ZNF131: variants seen among roughly 807,000 people sequenced by gnomAD.
ZNF131 encodes zinc finger and BTB domain containing 35, also known as zinc finger protein 131.
A neutral mutation model predicts 60.0 loss-of-function variants in ZNF131; 7 were observed. The observed-to-expected ratio is 0.12, with a 90% confidence interval of 0.07 to 0.22. The LOEUF is 0.22. ZNF131 is among the 10% of genes least tolerant of loss of function. The probability of loss-of-function intolerance (pLI) is 1.00; values close to 1 mark genes in which losing one functional copy is unlikely to be tolerated. For missense variants in ZNF131, 493 were observed against 740.9 expected, an observed-to-expected ratio of 0.67 and a Z score of 3.88; for synonymous variants, 257 against 253.2, an observed-to-expected ratio of 1.01 and a Z score of -0.14.
chr5:43,156,618 C>T (rs768597578), intron 4 of ZNF131, among the ~76,000 whole-genome samples: 2 of 152,166 alleles, frequency 1.3e-5, no homozygotes, highest in Admixed American at 6.5e-5. Context: ...CTGCTGACAC[C>T]GATCTATTTC....
Position 43,175,549 on chromosome 5 carries a change from G to T in ZNF131, c.*416G>T. ...GTATTCTAATGCATGTTAGAAAATT[G>T]AATAATATAGGAAACACAAGGCTGC... On this transcript the variant is annotated 3_prime_UTR_variant, in exon 7 of 7. Transcript: ENST00000682664. 1.5e-6 allele frequency: 1 copy of T among 672,456 alleles called. No individual in the cohort carries two copies. Among genetic ancestry groups the T allele is most frequent in the South Asian group, 1.6e-5 (1 of 62,084 alleles). 41.7% of individuals were successfully genotyped at this position (672,456 alleles called of 1,614,324 possible).
chr5:43,162,561 C>T (rs1233663785), intron 5 of ZNF131, among the ~76,000 whole-genome samples: 2 of 142,996 alleles, frequency 1.4e-5, no homozygotes, highest in Non-Finnish European at 3.0e-5. Context: ...CACTGCACTC[C>T]AGCCTGGTCA....
intron 3 of ZNF131, among the ~76,000 whole-genome samples, chr5:43,127,578 G>A (rs1402236451): frequency 6.6e-6 from 1 of 152,224 alleles, no homozygotes; most frequent in African/African-American, 2.4e-5. Context: ...AAAAGCAAAT[G>A]ACGTGTATAT....
chr5:43,132,928 G>A (rs1745551997), intron 3 of ZNF131, among the ~76,000 whole-genome samples: 1 of 152,180 alleles, frequency 6.6e-6, no homozygotes, highest in African/African-American at 2.4e-5. Context: ...CAGATGGGAA[G>A]AACATATTTT....
intron 5 of ZNF131, among the ~76,000 whole-genome samples, chr5:43,170,696 A>C (rs1750871497): frequency 6.8e-6 from 1 of 148,112 alleles, no homozygotes; most frequent in African/African-American, 2.5e-5. Context: ...GCAGTGGTGC[A>C]ATCTCGGCTC....
At position 43,174,564 on chromosome 5, in the gene ZNF131, T is replaced by C. The variant is rs766052564; in HGVS notation, c.1303T>C (p.Leu435=). Residue 435 remains leucine (L), a synonymous_variant, in exon 7 of 7, where the codon TTA becomes CTA. Transcript: ENST00000682664. ...CDLWFMQGNE[L]RRHLSDAHNI... is the part of the protein sequence containing the mutation. ...TTTGTGGTTTATGCAAGGAAATGAA[T>C]TAAGGAGGCATCTCAGTGATGCTCA... 1.2e-6 allele frequency: 2 copies of C among 1,609,936 alleles called. No individual in the cohort carries two copies. The highest frequency in any genetic ancestry group is 3.3e-5 in the Admixed American group (2 of 59,776).
At chr5:43,145,375 G>A (rs13356344) in intron 4 of ZNF131, among the ~76,000 whole-genome samples, 9,502 of 152,232 alleles carry the variant, frequency 0.062, 604 homozygotes, top group African/African-American at 0.17. Context: ...TTTACGGCCT[G>A]GGTGCAGTGG....
chr5:43,143,898 CTTTTTTTTTTTTTTTT>C (rs79246574), intron 4 of ZNF131, among the ~76,000 whole-genome samples: 193 of 34,968 alleles, frequency 5.5e-3, no homozygotes, highest in African/African-American at 0.019. Flanking sequence ...ATTGTCAGAG[CTTTTTTTTTTTTTTTT>C]TTTTTTTTTT....
chr5:43,149,760 G>T (rs1274128216), intron 4 of ZNF131, among the ~76,000 whole-genome samples: 1 of 152,020 alleles, frequency 6.6e-6, no homozygotes, highest in African/African-American at 2.4e-5. Context: ...ATTTAAATTT[G>T]CATTTCTCTA....
chr5:43,127,172 A>G (rs1265286430), intron 3 of ZNF131, among the ~76,000 whole-genome samples: 1 of 152,146 alleles, frequency 6.6e-6, no homozygotes, highest in African/African-American at 2.4e-5. Context: ...CATCTTAGCT[A>G]GAACTGGGAC....
intron 4 of ZNF131, among the ~76,000 whole-genome samples, chr5:43,140,376 C>T (rs778129395): frequency 1.4e-4 from 21 of 152,196 alleles, no homozygotes; most frequent in Non-Finnish European, 2.2e-4. Flanking sequence ...ACTGTGTGGC[C>T]TTAATTAAGT....
chr5:43,156,385 G>T (rs1232722860), intron 4 of ZNF131, among the ~76,000 whole-genome samples: 3 of 152,196 alleles, frequency 2.0e-5, no homozygotes, highest in Admixed American at 6.5e-5. Flanking sequence ...TTTGGGAATA[G>T]GGAGAATTTG....
At chr5:43,139,956 C>T (rs1390170199) in intron 4 of ZNF131, among the ~76,000 whole-genome samples, 1 of 152,184 alleles carries the variant, frequency 6.6e-6, no homozygotes, top group Non-Finnish European at 1.5e-5. Context: ...TGGATTACGC[C>T]TGTAATCCCA....
chr5:43,131,465 G>A (rs1368444259), intron 3 of ZNF131, among the ~76,000 whole-genome samples: 1 of 152,154 alleles, frequency 6.6e-6, no homozygotes, highest in Non-Finnish European at 1.5e-5. Context: ...GAGCCACCGC[G>A]CCTGGCCCTT....
intron 5 of ZNF131, among the ~76,000 whole-genome samples, chr5:43,166,570 C>T (rs1006673437): frequency 6.6e-6 from 1 of 151,986 alleles, no homozygotes; most frequent in Non-Finnish European, 1.5e-5. Flanking sequence ...CCGTGTTGGC[C>T]AGGATGGTCT....
At chr5:43,121,842 TCCCGCGGCCGCGGCTCCGGTCTCAACGC>T (rs1743872174) in intron 1 of ZNF131, 169 bp from the exon 2 acceptor site, 1 of 463,906 alleles carries the variant, frequency 2.2e-6, no homozygotes, top group Non-Finnish European at 3.7e-6. Flanking sequence ...AGGCTCGGAG[TCCCGCGGCCGCGGCTCCGGTCTCAACGC>T]TCCGGGGCCG....
At chr5:43,126,771 C>T (rs1394045842) in intron 3 of ZNF131, among the ~76,000 whole-genome samples, 1 of 152,170 alleles carries the variant, frequency 6.6e-6, no homozygotes, top group Non-Finnish European at 1.5e-5. Context: ...TAGGAGACAG[C>T]TACCAGCCAC....
chr5:43,161,037 G>A (rs1749631557), intron 4 of ZNF131, among the ~76,000 whole-genome samples: 1 of 151,972 alleles, frequency 6.6e-6, no homozygotes, highest in Non-Finnish European at 1.5e-5. Flanking sequence ...TATTTCCATG[G>A]ACTTTATTCC....
chr5:43,133,562 G>A (rs1718728587), intron 3 of ZNF131, among the ~76,000 whole-genome samples: 1 of 152,214 alleles, frequency 6.6e-6, no homozygotes, highest in Non-Finnish European at 1.5e-5. Flanking sequence ...ACTGTGATAT[G>A]AGTGTACAGA....
Sources: allele counts gnomAD v4.1 joint callset (sites outside exome capture counted in the v4.1 genomes callset), GRCh38; gene constraint gnomAD v4.1.1; transcripts MANE v1.5; gene names NCBI Gene and HGNC (gene_info 2026-07-23, HGNC 2026-07-21).